The following DIAPH2 variants were observed in gnomAD, a reference collection of about 807,000 sequenced individuals.
The protein encoded by DIAPH2 is protein diaphanous homolog 2.
Under a neutral mutation model 92.7 loss-of-function variants are expected in DIAPH2, and 35 were observed. The observed-to-expected ratio is 0.38, with a 90% CI of 0.29 to 0.50. DIAPH2 has a LOEUF of 0.50. DIAPH2 is among the 20% of genes least tolerant of loss of function. The probability of loss-of-function intolerance (pLI) is 0.94; values close to 1 mark genes in which losing one functional copy is unlikely to be tolerated. For missense variants in DIAPH2, 701 were observed against 819.5 expected (o/e 0.86, Z 1.77); for synonymous variants, 301 against 280.4 (o/e 1.07, Z -0.73).
intron 17 of DIAPH2, among the ~76,000 whole-genome samples, chrX:97,029,549 G>GT (rs1270058174): frequency 9.9e-5 from 11 of 110,831 alleles, no homozygotes; most frequent in Admixed American, 1.9e-4. Flanking sequence ...AAATTGATCT[G>GT]TTTTTTTAAT....
intron 24 of DIAPH2, among the ~76,000 whole-genome samples, chrX:97,362,702 G>C (rs777398536): frequency 3.4e-4 from 38 of 112,256 alleles, no homozygotes; most frequent in Non-Finnish European, 6.6e-4. Flanking sequence ...AGATTTTAAA[G>C]CTCTGCCATC....
chrX:97,411,832 C>G (rs2069877568), intron 25 of DIAPH2, among the ~76,000 whole-genome samples: 1 of 111,859 alleles, frequency 8.9e-6, no homozygotes, highest in South Asian at 3.7e-4. Flanking sequence ...GTAAAGGGAT[C>G]AATTCAACAA....
intron 16 of DIAPH2, among the ~76,000 whole-genome samples, chrX:96,959,540 T>C (rs2065833625): frequency 8.9e-6 from 1 of 112,287 alleles, no homozygotes; most frequent in Non-Finnish European, 1.9e-5. Flanking sequence ...TTGGATAGTT[T>C]GCAGATATTT....
intron 4 of DIAPH2, among the ~76,000 whole-genome samples, chrX:96,762,810 A>G (rs1408224316): frequency 9.0e-6 from 1 of 111,196 alleles, no homozygotes; most frequent in Non-Finnish European, 1.9e-5. Context: ...TTTAGATTAT[A>G]CTATATGAGA....
intron 24 of DIAPH2, among the ~76,000 whole-genome samples, chrX:97,360,150 CATTTT>C (rs1447124847): frequency 9.0e-6 from 1 of 111,567 alleles, no homozygotes; most frequent in African/African-American, 3.3e-5. Flanking sequence ...TAGTTGAAGT[CATTTT>C]ATTTTATTTT....
intron 26 of DIAPH2, among the ~76,000 whole-genome samples, chrX:97,515,435 G>A (rs762777561): frequency 1.7e-4 from 19 of 111,512 alleles, no homozygotes; most frequent in African/African-American, 5.5e-4. Flanking sequence ...AGATGAACCC[G>A]GTACCTCAGA....
intron 8 of DIAPH2, among the ~76,000 whole-genome samples, chrX:96,918,215 G>T (rs775035294): frequency 1.9e-3 from 207 of 110,825 alleles, no homozygotes; most frequent in African/African-American, 6.6e-3. Context: ...ACAGTGTGTT[G>T]TATACTCGAA....
chrX:97,381,293 C>T (rs544540312), intron 24 of DIAPH2, among the ~76,000 whole-genome samples: 1 of 110,994 alleles, frequency 9.0e-6, no homozygotes, highest in African/African-American at 3.3e-5. Flanking sequence ...TTGATTTGGG[C>T]GTTTCTTTTT....
At chrX:96,774,483 A>G (rs888817295) in intron 4 of DIAPH2, among the ~76,000 whole-genome samples, 3 of 111,886 alleles carry the variant, frequency 2.7e-5, no homozygotes, top group Non-Finnish European at 3.8e-5. Context: ...GTGTTGCTCA[A>G]TGGGCCAAAA....
chrX:97,040,167 C>T (rs1329410311), intron 17 of DIAPH2, among the ~76,000 whole-genome samples: 5 of 106,581 alleles, frequency 4.7e-5, no homozygotes, highest in African/African-American at 1.7e-4. Context: ...AGTAACCTAC[C>T]CTTGAGGGTT....
chrX:97,340,724 C>T (rs2069106240), intron 23 of DIAPH2, among the ~76,000 whole-genome samples: 3 of 103,955 alleles, frequency 2.9e-5, no homozygotes, highest in South Asian at 9.2e-4. Flanking sequence ...GGCATCATCT[C>T]GGCTCACTGC....
At chrX:97,308,972 C>T (rs1022289355) in intron 23 of DIAPH2, among the ~76,000 whole-genome samples, 1 of 106,126 alleles carries the variant, frequency 9.4e-6, no homozygotes, top group African/African-American at 3.4e-5. Context: ...GAGCTGAGAT[C>T]GTGCCATTGC....
At chrX:97,548,668 G>T (rs1376580854) in intron 26 of DIAPH2, among the ~76,000 whole-genome samples, 2 of 112,323 alleles carry the variant, frequency 1.8e-5, no homozygotes, top group Non-Finnish European at 3.8e-5. Flanking sequence ...GAATGGTTCT[G>T]TGTATGTGTC....
chrX:96,734,596 T>G (rs1390427103), intron 1 of DIAPH2, among the ~76,000 whole-genome samples: 1 of 111,691 alleles, frequency 9.0e-6, no homozygotes, highest in African/African-American at 3.2e-5. Context: ...AAAGATTGAT[T>G]GGGGTTTGTG....
chrX:97,346,840 T>A (rs1190316891), intron 23 of DIAPH2, among the ~76,000 whole-genome samples: 1 of 111,254 alleles, frequency 9.0e-6, no homozygotes, highest in Non-Finnish European at 1.9e-5. Flanking sequence ...GAGGGTCTTA[T>A]AACCTACTTC....
intron 4 of DIAPH2, among the ~76,000 whole-genome samples, chrX:96,812,584 G>A (rs1025687020): frequency 9.0e-6 from 1 of 110,901 alleles, no homozygotes; most frequent in Non-Finnish European, 1.9e-5. Context: ...GTTTACTCTC[G>A]CTTCTCTAGT....
At chrX:96,755,967 G>A (rs2064226168) in intron 3 of DIAPH2, among the ~76,000 whole-genome samples, 2 of 108,236 alleles carry the variant, frequency 1.8e-5, no homozygotes, top group East Asian at 2.9e-4. Context: ...GGTCTCAAGC[G>A]ACCCTCCTGC....
chrX:97,059,760 T>C (rs1480710720), intron 17 of DIAPH2, among the ~76,000 whole-genome samples: 1 of 111,824 alleles, frequency 8.9e-6, no homozygotes, highest in Non-Finnish European at 1.9e-5. Context: ...TCTTCATTCT[T>C]GTCATCTTCA....
At position 97,001,380 on chromosome X, in the gene DIAPH2, C is replaced by T. The variant is rs184150029; in HGVS notation, c.2050+36173C>T. ...CAAAGCCAGTCCAGGTGCGGTGGCT[C>T]ACGCCTGTAATCCCAGCACTTTGGG... On this transcript the variant is annotated intron_variant, in intron 17 of 26. Transcript: ENST00000324765. Among the ~76,000 whole-genome samples, 211 of 112,125 alleles carry T rather than the reference C, an allele frequency of 1.9e-3. 1 individual carries two copies. Among genetic ancestry groups the T allele is most frequent in the African/African-American group, 6.2e-3 (191 of 30,885 alleles).
Sources: gnomAD v4.1 joint callset for allele counts (sites outside exome capture counted in the v4.1 genomes callset) on GRCh38, gnomAD v4.1.1 for gene constraint, MANE v1.5 for transcripts, NCBI Gene and HGNC (gene_info 2026-07-23, HGNC 2026-07-21) for gene names.